Variants in DCC observed in about 807,000 individuals in gnomAD.
The protein encoded by DCC is netrin receptor DCC.
A neutral mutation model predicts 172.5 loss-of-function variants in DCC; 58 were observed. That is an observed-to-expected ratio of 0.34 (90% CI 0.27 to 0.42). The LOEUF (loss-of-function observed/expected upper bound fraction) is 0.42. Among genes scored for constraint, DCC ranks in the 10% least tolerant of loss-of-function variants. DCC has a pLI of 1.00. For missense variants in DCC, 1,740 were observed against 1,791.0 expected, an observed-to-expected ratio of 0.97 and a Z score of 0.51; for synonymous variants, 709 against 644.5, an observed-to-expected ratio of 1.10 and a Z score of -1.52.
intron 11 of DCC, among the ~76,000 whole-genome samples, chr18:53,213,143 A>G (rs2055784202): frequency 6.6e-6 from 1 of 152,230 alleles, no homozygotes; most frequent in Non-Finnish European, 1.5e-5. Flanking sequence ...AGGGTTGCAT[A>G]TCAGCTAGAA....
At chr18:53,517,644 G>A (rs1228782330) in intron 27 of DCC, among the ~76,000 whole-genome samples, 2 of 151,946 alleles carry the variant, frequency 1.3e-5, no homozygotes, top group African/African-American at 2.4e-5. Flanking sequence ...CTTACAATGG[G>A]AGGAGGAGAA....
At chr18:53,427,924 T>TA (rs1327465734) in intron 21 of DCC, among the ~76,000 whole-genome samples, 1 of 63,118 alleles carries the variant, frequency 1.6e-5, no homozygotes, top group Non-Finnish European at 3.6e-5. Context: ...TAATATAATA[T>TA]ATAATATAAT....
At chr18:52,353,029 T>G (rs1984194762) in intron 1 of DCC, among the ~76,000 whole-genome samples, 1 of 152,210 alleles carries the variant, frequency 6.6e-6, no homozygotes, top group African/African-American at 2.4e-5. Flanking sequence ...TAAGTAATCA[T>G]GTAGTCAATG....
chr18:53,235,496 T>A (rs1422129665), intron 12 of DCC, among the ~76,000 whole-genome samples: 1 of 152,192 alleles, frequency 6.6e-6, no homozygotes, highest in Non-Finnish European at 1.5e-5. Context: ...CTTTTTTGTT[T>A]GTTTCTGGAA....
intron 1 of DCC, among the ~76,000 whole-genome samples, chr18:52,391,174 G>A (rs1423431587): frequency 6.6e-6 from 1 of 152,092 alleles, no homozygotes; most frequent in African/African-American, 2.4e-5. Flanking sequence ...ACATCCCCAA[G>A]CTACAATAGT....
intron 5 of DCC, chr18:52,931,802 G>A (rs9967175): frequency 6.6e-6 from 1 of 152,084 alleles, no homozygotes; most frequent in African/African-American, 2.4e-5. Context: ...CATCGATAAA[G>A]TATTGGTGGA....
In DCC at chr18:53,192,065, A is replaced by G. The variant is rs576193991; in HGVS notation, c.1573+12949A>G. Among the ~76,000 whole-genome samples the G allele has an allele frequency of 1.1e-4, 17 of 152,354 alleles. No individual in the cohort carries two copies. In the East Asian group the frequency reaches 3.3e-3, roughly 29 times the overall value. ...ATCTTTTGAATACTGAAAATAAAAT[A>G]AACTTAATCCTCAGGGTGGTTCAGT... On this transcript the variant is annotated intron_variant, in intron 9 of 28. Transcript: ENST00000442544.
At chr18:53,221,137 A>G (rs1322469903) in intron 12 of DCC, among the ~76,000 whole-genome samples, 5 of 152,104 alleles carry the variant, frequency 3.3e-5, no homozygotes, top group Admixed American at 2.0e-4. Context: ...ACAACTTTAT[A>G]TAAAATTTAC....
At chr18:52,875,313 T>A (rs2039387349) in intron 2 of DCC, among the ~76,000 whole-genome samples, 1 of 152,002 alleles carries the variant, frequency 6.6e-6, no homozygotes, top group South Asian at 2.1e-4. Flanking sequence ...TAATTAAAAA[T>A]TATCTTCTCT....
In DCC at chr18:52,340,835, A is replaced by G; in HGVS notation, c.48A>G (p.Val16=). 1 of 1,613,776 alleles carries G rather than the reference A, an allele frequency of 6.2e-7. No homozygotes were observed. Among genetic ancestry groups the G allele is most frequent in the Non-Finnish European group, 8.5e-7 (1 of 1,179,942 alleles). Residue 16 remains valine, a synonymous_variant, in exon 1 of 29, where the codon GTA becomes GTG. Coordinates refer to ENST00000442544, the MANE Select transcript of DCC (RefSeq NM_005215.4). ...TTTGGGTACCCAAGCTGGCTTTTGT[A>G]CTCTTCGGAGCTTCCTTGTTCAGCG... ...RCVWVPKLAF[V]LFGASLFSAH... is the part of the protein sequence containing the mutation.
chr18:53,067,595 A>G (rs943316503), intron 7 of DCC, among the ~76,000 whole-genome samples: 2 of 152,120 alleles, frequency 1.3e-5, no homozygotes, highest in African/African-American at 2.4e-5. Flanking sequence ...TAACAACACA[A>G]TTTCTTGGGA....
chr18:52,837,817 C>A (rs906350044), intron 2 of DCC, among the ~76,000 whole-genome samples: 1 of 152,094 alleles, frequency 6.6e-6, no homozygotes, highest in Non-Finnish European at 1.5e-5. Flanking sequence ...AAGATCTGCC[C>A]GGGACTGGGT....
intron 12 of DCC, among the ~76,000 whole-genome samples, chr18:53,225,516 T>G (rs1399859984): frequency 6.6e-6 from 1 of 152,056 alleles, no homozygotes; most frequent in African/African-American, 2.4e-5. Flanking sequence ...TCTTGGTAAG[T>G]TGAGCAAAGG....
intron 1 of DCC, among the ~76,000 whole-genome samples, chr18:52,602,151 A>G (rs146477430): frequency 9.9e-5 from 15 of 152,188 alleles, no homozygotes; most frequent in African/African-American, 3.4e-4. Context: ...GAGAGGTCTA[A>G]TTTCTAATGA....
At chr18:52,400,337 A>G (rs1319302842) in intron 1 of DCC, among the ~76,000 whole-genome samples, 1 of 152,048 alleles carries the variant, frequency 6.6e-6, no homozygotes, top group Non-Finnish European at 1.5e-5. Flanking sequence ...AATTTCCTAA[A>G]CAAAACTTCC....
intron 2 of DCC, among the ~76,000 whole-genome samples, chr18:52,755,082 T>C (rs2037057795): frequency 6.6e-6 from 1 of 152,142 alleles, no homozygotes; most frequent in South Asian, 2.1e-4. Flanking sequence ...TCCTTCAGAT[T>C]TGGTAAAAGC....
chr18:52,612,974 T>A (rs1255279061), intron 1 of DCC, among the ~76,000 whole-genome samples: 1 of 152,182 alleles, frequency 6.6e-6, no homozygotes, highest in African/African-American at 2.4e-5. Context: ...GCTTTGTTGC[T>A]ACTACAAATA....
intron 1 of DCC, among the ~76,000 whole-genome samples, chr18:52,722,720 A>G (rs1408557146): frequency 6.6e-6 from 1 of 152,036 alleles, no homozygotes; most frequent in African/African-American, 2.4e-5. Context: ...CCTCACCTGG[A>G]TGGGTTGGCT....
intron 27 of DCC, among the ~76,000 whole-genome samples, chr18:53,518,772 G>A (rs2144582860): frequency 6.6e-6 from 1 of 152,242 alleles, no homozygotes; most frequent in South Asian, 2.1e-4. Flanking sequence ...TCTCCAACAT[G>A]CACCCTGGAT....
Sources: allele counts gnomAD v4.1 joint callset (sites outside exome capture counted in the v4.1 genomes callset), GRCh38; gene constraint gnomAD v4.1.1; transcripts MANE v1.5; gene names NCBI Gene and HGNC (gene_info 2026-07-23, HGNC 2026-07-21).